Variants in SI observed in about 807,000 individuals in gnomAD.
SI encodes sucrase-isomaltase, intestinal.
Under a neutral mutation model 253.3 loss-of-function variants are expected in SI, and 235 were observed. That is an observed-to-expected ratio of 0.93 (90% CI 0.83 to 1.03). The LOEUF (loss-of-function observed/expected upper bound fraction) is 1.03. Among genes scored for constraint, SI ranks in the 50% least tolerant of loss-of-function variants. The probability of loss-of-function intolerance (pLI) is 0.00; values close to 1 mark genes in which losing one functional copy is unlikely to be tolerated. For synonymous variants in SI, 819 were observed against 712.0 expected, an observed-to-expected ratio of 1.15 and a Z score of -2.39; for missense variants, 2,442 against 2,211.1, an observed-to-expected ratio of 1.10 and a Z score of -2.09.
chr3:165,086,838 G>A, the SI span, among the ~76,000 whole-genome samples: 3 of 152,098 alleles, frequency 2.0e-5, no homozygotes, highest in African/African-American at 7.2e-5. Flanking sequence ...AGCTGAGTGT[G>A]GGCAATCATG....
At chr3:165,074,307 G>A (rs1010014912) in intron 3 of SI, 3 of 253,630 alleles carry the variant, frequency 1.2e-5, no homozygotes, top group Non-Finnish European at 2.2e-5. Flanking sequence ...TGTTAAATAT[G>A]GATGAATATT....
intron 34 of SI, among the ~76,000 whole-genome samples, chr3:165,009,891 C>T (rs1361810742): frequency 2.6e-5 from 4 of 152,122 alleles, no homozygotes; most frequent in Admixed American, 2.6e-4. Context: ...GTGTTTTATT[C>T]CAATCTCTAC....
the SI span, among the ~76,000 whole-genome samples, chr3:165,087,199 T>A: frequency 2.0e-5 from 3 of 151,496 alleles, no homozygotes; most frequent in East Asian, 5.8e-4. Context: ...GTTTTGGACC[T>A]GGACCACCAG....
At chr3:165,084,575 G>T in the SI span, among the ~76,000 whole-genome samples, 1 of 151,794 alleles carries the variant, frequency 6.6e-6, no homozygotes, top group African/African-American at 2.4e-5. Context: ...ATGAATGTCT[G>T]AGAATATTTA....
intron 41 of SI, among the ~76,000 whole-genome samples, chr3:164,992,858 C>T (rs1001791598): frequency 1.3e-5 from 2 of 151,616 alleles, no homozygotes; most frequent in African/African-American, 2.4e-5. Context: ...TTACATGTTC[C>T]TAAAGGCTCT....
intron 37 of SI, among the ~76,000 whole-genome samples, chr3:165,001,852 C>A (rs1440486340): frequency 6.6e-6 from 1 of 151,190 alleles, no homozygotes; most frequent in African/African-American, 2.4e-5. Flanking sequence ...GTTTACAATG[C>A]CCCCACTTCA....
intron 27 of SI, 152 bp from the exon 28 acceptor site, chr3:165,019,922 T>C: frequency 1.4e-6 from 1 of 727,776 alleles, no homozygotes; most frequent in East Asian, 2.7e-5. Flanking sequence ...AAATAGATGA[T>C]TAATCTAATA....
At chr3:165,051,650 C>A (rs1002887835) in intron 13 of SI, among the ~76,000 whole-genome samples, 3 of 151,888 alleles carry the variant, frequency 2.0e-5, no homozygotes, top group Non-Finnish European at 4.4e-5. Flanking sequence ...TTAAAAGAGT[C>A]TTTTTCTAAA....
intron 34 of SI, 106 bp downstream of exon 34, chr3:165,012,874 C>T (rs1718833377): frequency 3.8e-6 from 3 of 793,986 alleles, no homozygotes; most frequent in African/African-American, 3.4e-5. Flanking sequence ...TTTAAAATGG[C>T]CATCTATTTT....
At chr3:164,987,740 G>C (rs61603801) in intron 44 of SI, among the ~76,000 whole-genome samples, 37,496 of 152,020 alleles carry the variant, frequency 0.25, 7,916 homozygotes, top group African/African-American at 0.58. Context: ...TAGGAAATGT[G>C]ATGCATGTCT....
chr3:164,996,443 A>C, intron 40 of SI, 92 bp downstream of exon 40: 1 of 820,940 alleles, frequency 1.2e-6, no homozygotes, highest in Non-Finnish European at 2.1e-6. Flanking sequence ...AACATCAATA[A>C]ATATACCAGC....
rs1299753214 is a variant in SI at position 164,994,425 on chromosome 3, C to A, written c.4693-20G>T. 6.2e-7 allele frequency: 1 copy of A among 1,608,400 alleles called. No homozygotes were observed. The highest frequency in any genetic ancestry group is 8.5e-7 in the Non-Finnish European group (1 of 1,176,190). On this transcript the variant is annotated intron_variant, in intron 40 of 47. Coordinates refer to ENST00000264382, the MANE Select transcript of SI (RefSeq NM_001041.4). Reference sequence around the variant, plus strand: ...TTGTCTCTGAAACAAAGCAAAATAACATAGTTATAAGCTTTGGTCCTTGTT... The same window carrying A: ...TTGTCTCTGAAACAAAGCAAAATAAAATAGTTATAAGCTTTGGTCCTTGTT...
intron 25 of SI, among the ~76,000 whole-genome samples, chr3:165,026,968 A>T (rs1711955264): frequency 6.6e-6 from 1 of 151,604 alleles, no homozygotes; most frequent in African/African-American, 2.4e-5. Context: ...GAAATAACCA[A>T]GATTGGAGCA....
At chr3:165,069,439 T>C (rs762827817) in intron 3 of SI, among the ~76,000 whole-genome samples, 11 of 152,136 alleles carry the variant, frequency 7.2e-5, no homozygotes, top group Non-Finnish European at 1.6e-4. Flanking sequence ...CACGTATCTA[T>C]ACAAATTTTT....
intron 45 of SI, among the ~76,000 whole-genome samples, chr3:164,985,861 A>G (rs1449543196): frequency 1.3e-5 from 2 of 152,144 alleles, no homozygotes; most frequent in Non-Finnish European, 2.9e-5. Context: ...AATGAGTCCT[A>G]TAATCTGCAT....
At chr3:165,078,388 T>C (rs1715141201) in intron 1 of SI, 45 bp downstream of exon 1, 1 of 152,050 alleles carries the variant, frequency 6.6e-6, no homozygotes, top group African/African-American at 2.4e-5. Flanking sequence ...ATATAATTAG[T>C]TGAAAACATA....
At chr3:165,061,199 T>C (rs755776878) in intron 9 of SI, among the ~76,000 whole-genome samples, 18 of 151,916 alleles carry the variant, frequency 1.2e-4, no homozygotes, top group Non-Finnish European at 2.4e-4. Context: ...AGAATCAACA[T>C]ATATGTAACA....
chr3:165,082,300 T>G (rs1715361049), upstream of SI, among the ~76,000 whole-genome samples: 1 of 151,974 alleles, frequency 6.6e-6, no homozygotes, highest in Admixed American at 6.6e-5. Context: ...TCATACGTAA[T>G]TCTATTTATT....
In SI at chr3:165,007,922, G is replaced by A. The variant is rs1718591371; in HGVS notation, c.4256C>T (p.Pro1419Leu). ...QCRNDELNYP[P>L]YFPELTKRTD... ...CAACAATATTGTACCTGGGAAATAAGGTGGATAATTTAGTTCGTCATTTCT... is the reference window on the plus strand; with the variant it reads ...CAACAATATTGTACCTGGGAAATAAAGTGGATAATTTAGTTCGTCATTTCT... The change falls in exon 36 of 48, where the codon CCT (proline) becomes CTT (leucine). Residue 1419 changes from proline to leucine, a missense_variant. Physicochemically the swap from Pro to Leu is moderately conservative, Grantham distance 98. Transcript: ENST00000264382. 6.3e-7 allele frequency: 1 copy of A among 1,575,258 alleles called. No individual in the cohort carries two copies.
Sources: allele counts gnomAD v4.1 joint callset (sites outside exome capture counted in the v4.1 genomes callset), GRCh38; gene constraint gnomAD v4.1.1; transcripts MANE v1.5; gene names NCBI Gene and HGNC (gene_info 2026-07-23, HGNC 2026-07-21).